Variants in LHFPL3 observed in about 807,000 individuals in gnomAD.
LHFPL3 encodes LHFPL tetraspan subfamily member 3.
A neutral mutation model predicts 19.3 loss-of-function variants in LHFPL3; 5 were observed. The ratio of observed to expected loss-of-function variants is 0.26; its 90% CI spans 0.14 to 0.54. The LOEUF (loss-of-function observed/expected upper bound fraction) is 0.54. Among genes scored for constraint, LHFPL3 ranks in the 20% least tolerant of loss-of-function variants. LHFPL3 has a pLI of 0.94. For synonymous variants in LHFPL3, 133 were observed against 126.2 expected, an observed-to-expected ratio of 1.05 and a Z score of -0.36; for missense variants, 249 against 307.4, an observed-to-expected ratio of 0.81 and a Z score of 1.42.
chr7:104,553,551 AG>A (rs1272287299), intron 1 of LHFPL3, among the ~76,000 whole-genome samples: 1 of 152,146 alleles, frequency 6.6e-6, no homozygotes, highest in East Asian at 1.9e-4. Flanking sequence ...AACTGCCTCT[AG>A]GTCCAGTAAA....
chr7:104,680,037 A>G (rs139203541), intron 1 of LHFPL3, among the ~76,000 whole-genome samples: 2 of 152,276 alleles, frequency 1.3e-5, no homozygotes, highest in African/African-American at 4.8e-5. Flanking sequence ...ATATCTAGCA[A>G]CCTGCTCAAC....
chr7:104,899,667 A>T (rs891945100), intron 2 of LHFPL3, among the ~76,000 whole-genome samples: 1 of 152,234 alleles, frequency 6.6e-6, no homozygotes, highest in Admixed American at 6.5e-5. Context: ...TTCAAAGGAC[A>T]GCACTTTCAG....
At chr7:104,721,892 T>G (rs1793499015) in intron 1 of LHFPL3, among the ~76,000 whole-genome samples, 1 of 152,202 alleles carries the variant, frequency 6.6e-6, no homozygotes, top group Admixed American at 6.5e-5. Flanking sequence ...TAGCTATTAT[T>G]ATGATGTGTA....
rs79233929 is a variant in LHFPL3 at position 104,653,828 on chromosome 7, G to A, written c.446-82847G>A. ...AAAAAATTACAGCCTCATCTACTAG[G>A]TGCAGAACTAATTTGTTGCTTGGCA... On this transcript the variant is annotated intron_variant, in intron 1 of 2. Coordinates refer to ENST00000424859, the MANE Select transcript of LHFPL3 (RefSeq NM_199000.3). 4.5e-3 allele frequency among the ~76,000 whole-genome samples: 683 copies of A among 152,204 alleles called. 41 individuals carry two copies. In the East Asian group the frequency reaches 0.11, roughly 24 times the overall value.
At chr7:104,877,010 G>A (rs1318383316) in intron 2 of LHFPL3, among the ~76,000 whole-genome samples, 6 of 152,224 alleles carry the variant, frequency 3.9e-5, no homozygotes, top group Admixed American at 1.3e-4. Flanking sequence ...ATCATTCTCA[G>A]CAAACTATCA....
intron 1 of LHFPL3, among the ~76,000 whole-genome samples, chr7:104,607,277 C>T (rs1459227958): frequency 1.3e-5 from 2 of 152,200 alleles, no homozygotes; most frequent in Admixed American, 6.5e-5. Context: ...AGGTCAGAGG[C>T]AAGATGGAGT....
intron 1 of LHFPL3, among the ~76,000 whole-genome samples, chr7:104,607,842 C>G (rs542935881): frequency 6.6e-6 from 1 of 152,038 alleles, no homozygotes; most frequent in Non-Finnish European, 1.5e-5. Context: ...AAGATATGAA[C>G]AGACACTTCT....
At chr7:104,704,360 T>C (rs1793149769) in intron 1 of LHFPL3, among the ~76,000 whole-genome samples, 1 of 152,230 alleles carries the variant, frequency 6.6e-6, no homozygotes, top group South Asian at 2.1e-4. Flanking sequence ...GTATGTGTTT[T>C]GTCTCAAAAC....
At chr7:104,357,771 C>T (rs1231298542) in intron 1 of LHFPL3, among the ~76,000 whole-genome samples, 1 of 151,818 alleles carries the variant, frequency 6.6e-6, no homozygotes, top group Non-Finnish European at 1.5e-5. Flanking sequence ...TCCTCCTCCT[C>T]CTCCTTCTCC....
intron 2 of LHFPL3, among the ~76,000 whole-genome samples, chr7:104,812,803 CAAAAAAAAAAAAAAAA>C (rs59809377): frequency 9.6e-5 from 3 of 31,338 alleles, no homozygotes; most frequent in South Asian, 2.5e-3. Context: ...GACTCCATCT[CAAAAAAAAAAAAAAAA>C]AAAAAAAAAA....
intron 1 of LHFPL3, among the ~76,000 whole-genome samples, chr7:104,601,209 A>G (rs949922766): frequency 6.6e-6 from 1 of 152,198 alleles, no homozygotes; most frequent in Non-Finnish European, 1.5e-5. Context: ...ATCTGCTGGA[A>G]GATGAAGGGG....
chr7:104,756,282 A>C (rs1376865529), intron 2 of LHFPL3, among the ~76,000 whole-genome samples: 3 of 152,186 alleles, frequency 2.0e-5, no homozygotes, highest in South Asian at 2.1e-4. Flanking sequence ...TGAACCTTTG[A>C]TAGCTTATTA....
intron 2 of LHFPL3, among the ~76,000 whole-genome samples, chr7:104,877,958 C>T (rs6968540): frequency 0.26 from 40,195 of 151,824 alleles, 5,499 homozygotes; most frequent in East Asian, 0.44. Context: ...CTCAGCCTCC[C>T]GAGTAGCTGG....
At chr7:104,541,754 T>C (rs570991166) in intron 1 of LHFPL3, among the ~76,000 whole-genome samples, 1 of 152,246 alleles carries the variant, frequency 6.6e-6, no homozygotes, top group Admixed American at 6.5e-5. Flanking sequence ...ATGAATAAAC[T>C]TGAATGATTT....
At chr7:104,776,669 G>A (rs1794641395) in intron 2 of LHFPL3, among the ~76,000 whole-genome samples, 1 of 152,156 alleles carries the variant, frequency 6.6e-6, no homozygotes, top group African/African-American at 2.4e-5. Flanking sequence ...AAACAAACAA[G>A]AAGGTGCCAT....
At chr7:104,811,290 G>T (rs1449730224) in intron 2 of LHFPL3, among the ~76,000 whole-genome samples, 1 of 151,860 alleles carries the variant, frequency 6.6e-6, no homozygotes, top group Non-Finnish European at 1.5e-5. Flanking sequence ...AACCTCCCAG[G>T]CTCAACCCAT....
chr7:104,475,725 C>G (rs1327484569), intron 1 of LHFPL3, among the ~76,000 whole-genome samples: 1 of 152,074 alleles, frequency 6.6e-6, no homozygotes, highest in African/African-American at 2.4e-5. Context: ...ATAAAGAAAA[C>G]CATTTAACTT....
chr7:104,775,520 C>A (rs1016682154), intron 2 of LHFPL3, among the ~76,000 whole-genome samples: 79 of 152,056 alleles, frequency 5.2e-4, no homozygotes, highest in African/African-American at 1.9e-3. Flanking sequence ...ATTGTTTGTA[C>A]AAATTTTTTT....
chr7:104,551,241 T>C (rs1279896171), intron 1 of LHFPL3, among the ~76,000 whole-genome samples: 1 of 152,228 alleles, frequency 6.6e-6, no homozygotes, highest in Non-Finnish European at 1.5e-5. Flanking sequence ...ATAGGCTTTA[T>C]TTCTTTGAGC....
Sources: gnomAD v4.1 joint callset for allele counts (sites outside exome capture counted in the v4.1 genomes callset) on GRCh38, gnomAD v4.1.1 for gene constraint, MANE v1.5 for transcripts, NCBI Gene and HGNC (gene_info 2026-07-23, HGNC 2026-07-21) for gene names.